Variants in MED13 observed in about 807,000 individuals in gnomAD.
The protein encoded by MED13 is mediator of RNA polymerase II transcription subunit 13.
MED13 carries 23 observed loss-of-function variants against 225.2 expected under a neutral mutation model. The ratio of observed to expected loss-of-function variants is 0.10; its 90% CI spans 0.07 to 0.14. The LOEUF is 0.14. MED13 is among the 10% of genes least tolerant of loss of function. The pLI is 1.00. For synonymous variants in MED13, 942 were observed against 889.2 expected (o/e 1.06, Z -1.06); for missense variants, 2,197 against 2,594.5 (o/e 0.85, Z 3.33).
intron 9 of MED13, among the ~76,000 whole-genome samples, chr17:61,996,858 C>A (rs1018144994): frequency 6.6e-6 from 1 of 152,152 alleles, no homozygotes; most frequent in Non-Finnish European, 1.5e-5. Flanking sequence ...CCTTTGTTCA[C>A]TAATTTAGCA....
intron 9 of MED13, chr17:62,006,620 A>G (rs1333263816): frequency 6.6e-6 from 1 of 152,210 alleles, no homozygotes; most frequent in Non-Finnish European, 1.5e-5. Context: ...CTATTCTCTC[A>G]CATTAAAATA....
In MED13 at chr17:61,965,148, C is replaced by G. The variant is rs753746243; in HGVS notation, c.4702G>C (p.Ala1568Pro). ...GCTTGTGTAGACATGGATCCTGCAGCATTACTGTTCATACTGCCAAAGGGT... is the reference window on the plus strand; with the variant it reads ...GCTTGTGTAGACATGGATCCTGCAGGATTACTGTTCATACTGCCAAAGGGT... ...FPPFGSMNSN[A>P]AGSMSTQANT... The change falls in exon 20 of 30, where the codon GCT becomes CCT. Residue 1568 changes from alanine (A) to proline (P), a missense_variant. By Grantham distance (27) the Ala-to-Pro change is conservative. This residue lies in a region of MED13 where 457 missense variants were observed against 442.2 expected (regional missense o/e 1.03). Coordinates refer to ENST00000397786, the MANE Select transcript of MED13 (RefSeq NM_005121.3). 2.5e-6 allele frequency: 4 copies of G among 1,614,004 alleles called. No homozygotes were observed. In the African/African-American group the frequency reaches 5.3e-5, roughly 22 times the overall value.
chr17:61,956,821 A>G (rs1201441340), intron 23 of MED13, among the ~76,000 whole-genome samples: 2 of 152,072 alleles, frequency 1.3e-5, no homozygotes, highest in Admixed American at 6.6e-5. Flanking sequence ...TACAGGTGTG[A>G]GCCACCGTGC....
intron 15 of MED13, 58 bp downstream of exon 15, chr17:61,984,112 GA>G (rs1440667443): frequency 5.3e-5 from 65 of 1,221,778 alleles, no homozygotes; most frequent in South Asian, 1.8e-4. Flanking sequence ...GTAAATCTAT[GA>G]AAAAAAAATT....
At position 61,956,362 on chromosome 17, in the gene MED13, C is replaced by A. The variant is rs768037007; in HGVS notation, c.5600G>T (p.Arg1867Met). The change falls in exon 24 of 30, where the codon AGG (arginine) becomes ATG (methionine). Residue 1867 changes from arginine (R) to methionine (M), a missense_variant. Coordinates refer to ENST00000397786, the MANE Select transcript of MED13 (RefSeq NM_005121.3). ...ACCTTTCAATTCTCCATGACCAATC[C>A]TTCCTAGACGACCAATTACAACTCT... ...PWRVVIGRLG[R>M]IGHGELKDWS... 1 of 1,612,466 alleles carries A rather than the reference C, an allele frequency of 6.2e-7. No individual in the cohort carries two copies. The highest frequency in any genetic ancestry group is 8.5e-7 in the Non-Finnish European group (1 of 1,179,596).
At chr17:62,050,604 A>G (rs1327864651) in intron 3 of MED13, among the ~76,000 whole-genome samples, 1 of 152,228 alleles carries the variant, frequency 6.6e-6, no homozygotes, top group Non-Finnish European at 1.5e-5. Context: ...AAACAGAAGA[A>G]TTAAAAAGGG....
intron 16 of MED13, among the ~76,000 whole-genome samples, chr17:61,973,405 C>T (rs1304017195): frequency 6.6e-6 from 1 of 151,874 alleles, no homozygotes; most frequent in Non-Finnish European, 1.5e-5. Flanking sequence ...GTATATTATC[C>T]ATAAATATTT....
Position 62,033,852 on chromosome 17 carries a change from G to C in MED13, c.749C>G (p.Ser250Cys), listed in dbSNP as rs761981290. The C allele has an allele frequency of 3.7e-6, 6 of 1,614,048 alleles. No individual in the cohort carries two copies. Among genetic ancestry groups the C allele is most frequent in the Non-Finnish European group, 5.1e-6 (6 of 1,179,986 alleles). Residue 250 changes from serine to cysteine, a missense_variant, in exon 5 of 30, where the codon TCT (serine) becomes TGT (cysteine). Around this residue, in one of 12 missense-constraint regions of MED13, gnomAD observed 884 missense variants for 918.5 expected, o/e 0.96. Transcript: ENST00000397786. ...YPISCCLKEMSEEKQEDMDWE... is the reference protein window; with the variant it reads ...YPISCCLKEMCEEKQEDMDWE... ...ATCCATATCTTCCTGTTTTTCTTCA[G>C]ACATCTCCTTCAAGCAACATGAGAT...
chr17:62,006,920 C>T (rs889522294), intron 9 of MED13: 1 of 150,670 alleles, frequency 6.6e-6, no homozygotes, highest in Admixed American at 6.6e-5. Context: ...GAATGAGACT[C>T]CATCTCAAAA....
At chr17:62,065,067 GC>G in intron 1 of MED13, 72 bp downstream of exon 1, 4 of 1,366,132 alleles carry the variant, frequency 2.9e-6, no homozygotes, top group Non-Finnish European at 4.0e-6. Flanking sequence ...ACCAGACCCG[GC>G]CCCCTCCCCC....
chr17:61,972,969 A>C (rs1326506597), intron 16 of MED13, 81 bp from the exon 17 acceptor site: 1 of 1,205,486 alleles, frequency 8.3e-7, no homozygotes, highest in African/African-American at 1.5e-5. Context: ...TACAAAACAC[A>C]TATAGGGAAG....
intron 3 of MED13, among the ~76,000 whole-genome samples, chr17:62,043,299 TTGACCATGCAAATTCTAG>T (rs2080871525): frequency 6.6e-6 from 1 of 151,306 alleles, no homozygotes; most frequent in Non-Finnish European, 1.5e-5. Context: ...ATGTAGAAAA[TTGACCATGCAAATTCTAG>T]TGACATCATC....
chr17:61,970,883 G>T (rs940298283), intron 17 of MED13, among the ~76,000 whole-genome samples: 2 of 151,674 alleles, frequency 1.3e-5, no homozygotes, highest in Admixed American at 1.3e-4. Flanking sequence ...AAATTAGCTG[G>T]GTGTGGTGGT....
chr17:61,983,613 T>C (rs913310055), intron 15 of MED13, among the ~76,000 whole-genome samples: 1 of 152,066 alleles, frequency 6.6e-6, no homozygotes, highest in African/African-American at 2.4e-5. Context: ...GTGGAAAAGA[T>C]GGCAAATGTA....
rs114048985 is a variant in MED13 at position 62,060,930 on chromosome 17, C to T, written c.301+2137G>A. Among the ~76,000 whole-genome samples the T allele has an allele frequency of 6.6e-3, 1,007 of 152,074 alleles. 12 individuals are homozygous for T. The highest frequency in any genetic ancestry group is 0.023 in the African/African-American group (954 of 41,500). On this transcript the variant is annotated intron_variant, in intron 2 of 29. Transcript: ENST00000397786. ...GGCCAGGATGGTCTCTATCTCCTGA[C>T]CCTGCGATCTGCCTGCCTCAGCCTC... is the stretch of plus-strand genomic sequence containing the variant.
At chr17:62,002,381 C>G (rs1160472209) in intron 9 of MED13, among the ~76,000 whole-genome samples, 4 of 149,872 alleles carry the variant, frequency 2.7e-5, no homozygotes, top group African/African-American at 7.4e-5. Context: ...CCCAGCTACT[C>G]GGGAGGCCAA....
At chr17:62,019,133 G>A (rs2080612405) in intron 8 of MED13, among the ~76,000 whole-genome samples, 1 of 152,162 alleles carries the variant, frequency 6.6e-6, no homozygotes, top group Non-Finnish European at 1.5e-5. Flanking sequence ...ATAGCTACAT[G>A]AGGCTGGATT....
At chr17:62,063,378 TTTCA>T in intron 1 of MED13, 77 bp from the exon 2 acceptor site, 2 of 919,242 alleles carry the variant, frequency 2.2e-6, no homozygotes, top group Non-Finnish European at 3.4e-6. Context: ...ATGTCTCTTA[TTTCA>T]TTAAGACATT....
At chr17:62,007,585 A>T (rs78401153) in intron 9 of MED13, 10,175 of 152,292 alleles carry the variant, frequency 0.067, 588 homozygotes, top group South Asian at 0.31. Context: ...GTGGTGGTTC[A>T]CGCCTGTAAT....
Sources: allele counts gnomAD v4.1 joint callset (sites outside exome capture counted in the v4.1 genomes callset), GRCh38; gene constraint gnomAD v4.1.1; regional missense constraint gnomAD v4.1.1; transcripts MANE v1.5; gene names NCBI Gene and HGNC (gene_info 2026-07-23, HGNC 2026-07-21).